Variants in ZSCAN18 observed in about 807,000 individuals in gnomAD.
ZSCAN18 encodes the protein zinc finger and SCAN domain containing 18.
In ZSCAN18, 16 loss-of-function variants were observed where a neutral mutation model predicts 31.1. The observed-to-expected ratio is 0.51, with a 90% CI of 0.35 to 0.78. The LOEUF is 0.78. ZSCAN18 is among the 30% of genes least tolerant of loss of function. The pLI, the probability that ZSCAN18 is intolerant of heterozygous loss-of-function variation, is 0.01. For synonymous variants in ZSCAN18, 375 were observed against 320.7 expected, an observed-to-expected ratio of 1.17 and a Z score of -1.81; for missense variants, 731 against 697.4, an observed-to-expected ratio of 1.05 and a Z score of -0.54.
Position 58,085,149 on chromosome 19 carries a change from G to A in ZSCAN18, c.1069C>T (p.Gln357Ter), listed in dbSNP as rs2074243192. 4.3e-6 allele frequency: 7 copies of A among 1,610,734 alleles called. No individual in the cohort carries two copies. Among genetic ancestry groups the A allele is most frequent in the Non-Finnish European group, 5.9e-6 (7 of 1,179,086 alleles). ...TGSQRQSVIQ[Q>*]PAPDRGTAKL... ...GCCGTGCCCCTGTCCGGGGCAGGCTGCTGGATGACGGACTGCCTCTGCGAT... is the reference window on the plus strand; with the variant it reads ...GCCGTGCCCCTGTCCGGGGCAGGCTACTGGATGACGGACTGCCTCTGCGAT... The change falls in exon 7 of 7, where the codon CAG (glutamine) becomes TAG (stop). Residue 357 changes from glutamine (Q) to a stop codon, truncating the protein, a stop_gained. Coordinates refer to ENST00000601144, the MANE Select transcript of ZSCAN18 (RefSeq NM_001145543.2). LOFTEE classifies it low-confidence loss of function (END_TRUNC).
chr19:58,111,802 TA>T lies in ZSCAN18; in HGVS notation c.130+6464del, dbSNP rs1426111824. 5.9e-5 allele frequency among the ~76,000 whole-genome samples: 9 copies of T among 152,286 alleles called. No individual in the cohort carries two copies. In the South Asian group the frequency reaches 1.7e-3, roughly 28 times the overall value. ...CCAGGCAAGCACACTACAAGAAACC[TA>T]GAAACCATATCCCTTAAATGTTGAA... On this transcript the variant is annotated intron_variant, in intron 1 of 1. Coordinates refer to the ZSCAN18 transcript ENST00000595721.
chr19:58,102,810 G>A (rs56181335), upstream of ZSCAN18, among the ~76,000 whole-genome samples: 15,682 of 152,138 alleles, frequency 0.1, 840 homozygotes, highest in South Asian at 0.15. Flanking sequence ...ATAACAGATG[G>A]TAACATGTAC....
At chr19:58,104,702 C>CAATAA (rs369292414) in intron 1 of ZSCAN18, among the ~76,000 whole-genome samples, 57,248 of 138,736 alleles carry the variant, frequency 0.41, 12,252 homozygotes, top group East Asian at 0.58. Context: ...GACTCCATCT[C>CAATAA]AATAAAATAA....
chr19:58,107,013 T>G (rs1449364170), intron 1 of ZSCAN18, among the ~76,000 whole-genome samples: 1 of 151,708 alleles, frequency 6.6e-6, no homozygotes, highest in Non-Finnish European at 1.5e-5. Context: ...TCTGCCCACC[T>G]TGGCCTCCCA....
upstream of ZSCAN18, among the ~76,000 whole-genome samples, chr19:58,099,609 A>G (rs1568640387): frequency 6.6e-6 from 1 of 152,240 alleles, no homozygotes; most frequent in Non-Finnish European, 1.5e-5. Flanking sequence ...TAAAAGCCCA[A>G]GAGTGCAGTT....
At position 58,086,999 on chromosome 19, in the gene ZSCAN18, A is replaced by T; in HGVS notation, c.652T>A (p.Ser218Thr). 1 of 1,611,938 alleles carries T rather than the reference A, an allele frequency of 6.2e-7. No homozygotes were observed. The highest frequency in any genetic ancestry group is 8.5e-7 in the Non-Finnish European group (1 of 1,179,588). ...GPANTEQKLK[S>T]FPEDPQHLGE... ...AGGTGCTGAGGGTCCTCTGGAAAGG[A>T]CTTCAGCTTCTGAAACATTAGTCGT... Residue 218 changes from serine (S) to threonine (T), a missense_variant, in exon 5 of 7, where the codon TCC (serine) becomes ACC (threonine). Ser to Thr is a moderately conservative substitution (Grantham distance 58). This residue lies in a region of ZSCAN18 where 597 missense variants were observed against 499.5 expected (regional missense o/e 1.20). Transcript: ENST00000601144.
chr19:58,103,056 A>AG (rs2074607802), upstream of ZSCAN18, among the ~76,000 whole-genome samples: 2 of 152,118 alleles, frequency 1.3e-5, no homozygotes, highest in South Asian at 4.1e-4. Flanking sequence ...TGGCAGGTGG[A>AG]GGCTACAGTG....
Position 58,085,267 on chromosome 19 carries a change from G to A in ZSCAN18, c.951C>T (p.Pro317=), listed in dbSNP as rs370441635. The change falls in exon 7 of 7, where the codon CCC becomes CCT. Residue 317 remains proline, a synonymous_variant. Transcript: ENST00000601144. The part of the protein sequence containing the change: ...EAPPGDALAD[P]PSGTTEEEEE... ...CCTCCTCCTCAGTGGTGCCCGACGG[G>A]GGATCGGCAAGGGCGTCCCCAGGGG... 6.2e-7 allele frequency: 1 copy of A among 1,603,522 alleles called. No individual in the cohort carries two copies. Among genetic ancestry groups the A allele is most frequent in the South Asian group, 1.1e-5 (1 of 90,818 alleles).
At chr19:58,086,759 T>C (rs2145969639) in intron 5 of ZSCAN18, 147 bp downstream of exon 5, 1 of 611,144 alleles carries the variant, frequency 1.6e-6, no homozygotes, top group Non-Finnish European at 2.8e-6. Flanking sequence ...CTTCAGCGAA[T>C]AAATTCAAGC....
At chr19:58,102,989 G>A (rs1003752758), upstream of ZSCAN18, among the ~76,000 whole-genome samples, 7 of 152,086 alleles carry the variant, frequency 4.6e-5, no homozygotes, top group African/African-American at 1.7e-4. Context: ...GGGTGTGGTG[G>A]TGTGCACCTC....
chr19:58,089,497 G>A (rs2074365515), intron 2 of ZSCAN18, among the ~76,000 whole-genome samples: 1 of 151,766 alleles, frequency 6.6e-6, no homozygotes, highest in Admixed American at 6.6e-5. Context: ...ATCGTGGCAG[G>A]CGCCTGTAAT....
At chr19:58,107,816 A>G in intron 1 of ZSCAN18, 1 of 998,506 alleles carries the variant, frequency 1.0e-6, no homozygotes, top group Non-Finnish European at 1.2e-6. Context: ...TACTTGGGAA[A>G]ACTTTCCCAC....
rs2258557 is a variant in ZSCAN18 at position 58,085,082 on chromosome 19, C to T, written c.1136G>A (p.Gly379Glu). The T allele has an allele frequency of 0.15, 237,442 of 1,603,742 alleles. 18,191 individuals carry two copies. Among genetic ancestry groups the T allele is most frequent in the Admixed American group, 0.21 (12,744 of 59,312 alleles). The part of the protein sequence containing the change: ...TKRPHPEDGD[G>E]QSLEGVSSSG... ...GCTAGAGACGCCCTCGAGGCTCTGC[C>T]CGTCCCCATCCTCGGGGTGCGGCCT... Residue 379 changes from glycine (G) to glutamate (E), a missense_variant, in exon 7 of 7, where the codon GGG becomes GAG. Gly to Glu is a moderately conservative substitution (Grantham distance 98). Coordinates refer to ENST00000601144, the MANE Select transcript of ZSCAN18 (RefSeq NM_001145543.2).
chr19:58,102,369 G>C (rs2074602221), upstream of ZSCAN18, among the ~76,000 whole-genome samples: 1 of 152,142 alleles, frequency 6.6e-6, no homozygotes, highest in South Asian at 2.1e-4. Context: ...GCTGAGGCAG[G>C]AGAATGGTGT....
intron 1 of ZSCAN18, chr19:58,092,747 A>G (rs10409388): frequency 0.31 from 302,466 of 979,254 alleles, 48,354 homozygotes; most frequent in Non-Finnish European, 0.32. Flanking sequence ...CCGTGCCATC[A>G]TCACCACCAC....
chr19:58,112,287 G>C (rs1338429825), intron 1 of ZSCAN18, among the ~76,000 whole-genome samples: 1 of 151,990 alleles, frequency 6.6e-6, no homozygotes, highest in African/African-American at 2.4e-5. Context: ...CGCCCATTTC[G>C]GCCTCCCAAA....
chr19:58,092,480 G>A (rs1049977222), intron 1 of ZSCAN18: 6 of 152,728 alleles, frequency 3.9e-5, no homozygotes, highest in African/African-American at 1.5e-4. Context: ...GAGGCCTGAG[G>A]CAGGAGGATC....
upstream of ZSCAN18, among the ~76,000 whole-genome samples, chr19:58,099,193 C>T (rs947232926): frequency 6.6e-6 from 1 of 152,014 alleles, no homozygotes; most frequent in Admixed American, 6.6e-5. Flanking sequence ...AACTCATATC[C>T]ACCAACAAAC....
At chr19:58,108,473 G>A (rs901008289) in intron 1 of ZSCAN18, 10 of 985,594 alleles carry the variant, frequency 1.0e-5, no homozygotes, top group Non-Finnish European at 9.6e-6. Context: ...TAAAGGTGGA[G>A]CCAGCACTGA....
Sources: allele counts gnomAD v4.1 joint callset (sites outside exome capture counted in the v4.1 genomes callset), GRCh38; gene constraint gnomAD v4.1.1; regional missense constraint gnomAD v4.1.1; transcripts MANE v1.5; gene names NCBI Gene and HGNC (gene_info 2026-07-23, HGNC 2026-07-21).